Variants in NCOA3 observed in about 807,000 individuals in gnomAD.
NCOA3 encodes the protein CBP-interacting protein.
NCOA3 carries 51 observed loss-of-function variants against 158.8 expected under a neutral mutation model. The observed-to-expected ratio is 0.32, with a 90% CI of 0.26 to 0.41. The LOEUF is 0.41. Ranked by LOEUF, NCOA3 falls within the 10% of genes least tolerant of loss-of-function variation. The pLI is 1.00. For synonymous variants in NCOA3, 537 were observed against 592.4 expected, an observed-to-expected ratio of 0.91 and a Z score of 1.36; for missense variants, 1,510 against 1,746.6, an observed-to-expected ratio of 0.86 and a Z score of 2.41.
At chr20:47,591,435 A>G (rs369665216) in intron 2 of NCOA3, among the ~76,000 whole-genome samples, 1 of 152,234 alleles carries the variant, frequency 6.6e-6, no homozygotes, top group Admixed American at 6.5e-5. Flanking sequence ...ATTATAGCAT[A>G]TGAGTCCTCA....
chr20:47,635,566 T>A lies in NCOA3; in HGVS notation c.1357T>A (p.Ser453Thr). The A allele has an allele frequency of 6.2e-7, 1 of 1,614,078 alleles. No homozygotes were observed. The highest frequency in any genetic ancestry group is 8.5e-7 in the Non-Finnish European group (1 of 1,180,010). ...TPGPGMQSPSSYQNNNYGLNM... is the reference protein window; with the variant it reads ...TPGPGMQSPSTYQNNNYGLNM... ...TGGGCCAGGCATGCAATCACCATCT[T>A]CCTACCAGAACAACAACTATGGGCT... Residue 453 changes from serine to threonine, a missense_variant, in exon 11 of 23, where the codon TCC becomes ACC. By Grantham distance (58) the Ser-to-Thr change is moderately conservative. Coordinates refer to ENST00000371998, the MANE Select transcript of NCOA3 (RefSeq NM_181659.3).
At chr20:47,570,597 T>A (rs1462064736) in intron 1 of NCOA3, among the ~76,000 whole-genome samples, 1 of 152,192 alleles carries the variant, frequency 6.6e-6, no homozygotes, top group Non-Finnish European at 1.5e-5. Context: ...TTCAAAGTCA[T>A]CCATTAGAGT....
intron 1 of NCOA3, among the ~76,000 whole-genome samples, chr20:47,569,951 A>G (rs893425010): frequency 6.6e-5 from 10 of 152,064 alleles, no homozygotes; most frequent in Admixed American, 5.9e-4. Context: ...CAGAGGTTGC[A>G]GTGAGCTGAG....
At chr20:47,631,310 A>G (rs2086414661) in intron 8 of NCOA3, 1 of 152,218 alleles carries the variant, frequency 6.6e-6, no homozygotes, top group African/African-American at 2.4e-5. Context: ...AGCCCTTTTG[A>G]CTAGTTTGTT....
chr20:47,562,699 T>TA (rs1453546419), intron 1 of NCOA3, among the ~76,000 whole-genome samples: 1 of 152,208 alleles, frequency 6.6e-6, no homozygotes, highest in African/African-American at 2.4e-5. Context: ...TTTGTGATTA[T>TA]AAAAGCATAG....
rs764808518 is a variant in NCOA3, at chr20:47,652,591, G to C, written c.4121+11G>C. ...TTTGGCCAGGAACAGGTAAAGAACAGTGACTTATAAAGTTAGTCACATCCT... is the reference window on the plus strand; with the variant it reads ...TTTGGCCAGGAACAGGTAAAGAACACTGACTTATAAAGTTAGTCACATCCT... On this transcript the variant is annotated intron_variant, in intron 21 of 22. Coordinates refer to ENST00000371998, the MANE Select transcript of NCOA3 (RefSeq NM_181659.3). 1 of 1,599,604 alleles carries C rather than the reference G, an allele frequency of 6.3e-7. No individual in the cohort carries two copies. Among genetic ancestry groups the C allele is most frequent in the Non-Finnish European group, 8.6e-7 (1 of 1,167,886 alleles).
intron 2 of NCOA3, among the ~76,000 whole-genome samples, chr20:47,613,763 T>C (rs2146282946): frequency 6.6e-6 from 1 of 151,856 alleles, no homozygotes; most frequent in Admixed American, 6.6e-5. Context: ...ATATAAAAAT[T>C]AGCTGGGCGT....
At chr20:47,643,411 G>A (rs1299282351) in intron 17 of NCOA3, among the ~76,000 whole-genome samples, 2 of 152,158 alleles carry the variant, frequency 1.3e-5, no homozygotes, top group Non-Finnish European at 2.9e-5. Flanking sequence ...ACACCTTCAG[G>A]GATACCAGTG....
At chr20:47,558,035 T>G (rs1180255096) in intron 1 of NCOA3, among the ~76,000 whole-genome samples, 1 of 151,430 alleles carries the variant, frequency 6.6e-6, no homozygotes, top group African/African-American at 2.4e-5. Context: ...GTTTTCTCTC[T>G]GTTCTCTTTG....
At position 47,652,897 on chromosome 20, in the gene NCOA3, TC is replaced by T. The variant is rs751966054; in HGVS notation, c.4122-32del. On this transcript the variant is annotated intron_variant, in intron 21 of 22. Coordinates refer to ENST00000371998, the MANE Select transcript of NCOA3 (RefSeq NM_181659.3). ...CATGCCCTTTGTCGCTAAAGTGACTTCCAGAGGTAATATTACCATTTGTTTA... is the reference window on the plus strand; with the variant it reads ...CATGCCCTTTGTCGCTAAAGTGACTTCAGAGGTAATATTACCATTTGTTTA... 5.0e-6 allele frequency: 8 copies of T among 1,610,356 alleles called. No homozygotes were observed. In the Admixed American group the frequency reaches 1.3e-4, roughly 27 times the overall value.
chr20:47,648,104 C>T (rs561939301), intron 18 of NCOA3, among the ~76,000 whole-genome samples: 25 of 152,018 alleles, frequency 1.6e-4, no homozygotes, highest in African/African-American at 5.5e-4. Context: ...AGGGTTTCAC[C>T]ATGTTGGCCA....
At position 47,636,524 on chromosome 20, in the gene NCOA3, T is replaced by A; in HGVS notation, c.2138T>A (p.Ile713Lys). Residue 713 changes from isoleucine to lysine, a missense_variant, in exon 12 of 23, where the codon ATA becomes AAA. Coordinates refer to ENST00000371998, the MANE Select transcript of NCOA3 (RefSeq NM_181659.3). ...GCCACTGGGAAAGACACCAGCAGTA[T>A]AACTTCTTGTGGGGACGGAAATGTT... is the stretch of plus-strand genomic sequence containing the variant. ...AEATGKDTSS[I>K]TSCGDGNVVK... 2.5e-6 allele frequency: 4 copies of A among 1,614,192 alleles called. No individual in the cohort carries two copies. Among genetic ancestry groups the A allele is most frequent in the Non-Finnish European group, 3.4e-6 (4 of 1,180,040 alleles).
intron 2 of NCOA3, among the ~76,000 whole-genome samples, chr20:47,619,491 A>G (rs781568190): frequency 1.3e-5 from 2 of 151,914 alleles, no homozygotes; most frequent in Admixed American, 6.6e-5. Context: ...CAAAAAATAC[A>G]AAAATTAGCT....
chr20:47,607,891 CTG>C (rs1428542970), intron 2 of NCOA3, among the ~76,000 whole-genome samples: 2 of 152,066 alleles, frequency 1.3e-5, no homozygotes, highest in Non-Finnish European at 2.9e-5. Context: ...AAGTAAATAA[CTG>C]TTTTCTATTA....
At chr20:47,618,464 C>T (rs749343878) in intron 2 of NCOA3, among the ~76,000 whole-genome samples, 2 of 149,572 alleles carry the variant, frequency 1.3e-5, no homozygotes, top group Non-Finnish European at 3.0e-5. Flanking sequence ...AAGCAATTCT[C>T]CTGTCTCAGC....
chr20:47,556,605 C>G (rs530194482), intron 1 of NCOA3, among the ~76,000 whole-genome samples: 12 of 152,182 alleles, frequency 7.9e-5, no homozygotes, highest in African/African-American at 2.9e-4. Context: ...TCACTGCAAC[C>G]TCCGCCTCCT....
intron 1 of NCOA3, among the ~76,000 whole-genome samples, chr20:47,540,170 C>T (rs1011014762): frequency 1.3e-5 from 2 of 152,102 alleles, no homozygotes. Context: ...AGTACATTGG[C>T]CTGTATGTCA....
chr20:47,618,596 C>T (rs1456909866), intron 2 of NCOA3, among the ~76,000 whole-genome samples: 4 of 152,252 alleles, frequency 2.6e-5, no homozygotes, highest in Middle Eastern at 3.4e-3. Flanking sequence ...TCAGGTGATT[C>T]GCCCATCTTG....
intron 2 of NCOA3, among the ~76,000 whole-genome samples, chr20:47,620,532 C>T (rs534766696): frequency 1.3e-5 from 2 of 152,152 alleles, no homozygotes; most frequent in African/African-American, 2.4e-5. Flanking sequence ...TTATCTCCCC[C>T]CCGGGTCAGG....
Sources: allele counts gnomAD v4.1 joint callset (sites outside exome capture counted in the v4.1 genomes callset), GRCh38; gene constraint gnomAD v4.1.1; transcripts MANE v1.5; gene names NCBI Gene and HGNC (gene_info 2026-07-23, HGNC 2026-07-21).